Variants in SPAG16 observed in about 807,000 individuals in gnomAD.
The protein encoded by SPAG16 is sperm-associated antigen 16 protein.
Under a neutral mutation model 80.4 loss-of-function variants are expected in SPAG16, and 86 were observed. That is an observed-to-expected ratio of 1.07 (90% CI 0.90 to 1.28). SPAG16 has a LOEUF of 1.28. Ranked by LOEUF, SPAG16 falls within the 50% of genes most tolerant of loss-of-function variation. The pLI, the probability that SPAG16 is intolerant of heterozygous loss-of-function variation, is 0.00. For synonymous variants in SPAG16, 294 were observed against 265.9 expected, an observed-to-expected ratio of 1.11 and a Z score of -1.03; for missense variants, 870 against 765.3, an observed-to-expected ratio of 1.14 and a Z score of -1.61.
intron 10 of SPAG16, among the ~76,000 whole-genome samples, chr2:213,838,424 C>T (rs1212400327): frequency 2.0e-5 from 3 of 152,142 alleles, no homozygotes; most frequent in Non-Finnish European, 2.9e-5. Context: ...CCATCCGCCT[C>T]GGCCTTCCAA....
intron 10 of SPAG16, among the ~76,000 whole-genome samples, chr2:213,562,765 G>T (rs1288663086): frequency 1.3e-5 from 2 of 151,796 alleles, no homozygotes; most frequent in Non-Finnish European, 2.9e-5. Flanking sequence ...TTTATAGATG[G>T]TGCTATTTTC....
intron 10 of SPAG16, among the ~76,000 whole-genome samples, chr2:213,832,732 A>G (rs901552785): frequency 1.3e-5 from 2 of 152,080 alleles, no homozygotes; most frequent in African/African-American, 2.4e-5. Flanking sequence ...TTTTTACACA[A>G]CTGTCCATTC....
chr2:213,318,431 A>G (rs917671966), intron 5 of SPAG16, among the ~76,000 whole-genome samples: 3 of 152,000 alleles, frequency 2.0e-5, no homozygotes, highest in African/African-American at 2.4e-5. Flanking sequence ...ATTCTCACTT[A>G]TAAGTAGGAG....
chr2:214,028,638 A>C (rs2125039533), intron 13 of SPAG16, among the ~76,000 whole-genome samples: 1 of 152,202 alleles, frequency 6.6e-6, no homozygotes, highest in Admixed American at 6.6e-5. Flanking sequence ...GATATTTAAG[A>C]GTATTATTAA....
intron 9 of SPAG16, among the ~76,000 whole-genome samples, chr2:213,429,002 G>T (rs1370237941): frequency 6.6e-6 from 1 of 151,616 alleles, no homozygotes; most frequent in Non-Finnish European, 1.5e-5. Flanking sequence ...TAAGGCAGGA[G>T]AATTGCTTGA....
chr2:213,701,861 T>C (rs1384301750), intron 10 of SPAG16, among the ~76,000 whole-genome samples: 1 of 152,076 alleles, frequency 6.6e-6, no homozygotes, highest in African/African-American at 2.4e-5. Flanking sequence ...TCAGGGATTG[T>C]AAACACACCA....
chr2:214,148,692 A>G (rs1280187391), intron 14 of SPAG16, among the ~76,000 whole-genome samples: 1 of 151,782 alleles, frequency 6.6e-6, no homozygotes, highest in East Asian at 1.9e-4. Context: ...GTGAGCATAA[A>G]AGCTGAGATA....
chr2:214,222,202 C>T (rs560641259), intron 15 of SPAG16, among the ~76,000 whole-genome samples: 5 of 151,012 alleles, frequency 3.3e-5, no homozygotes, highest in Non-Finnish European at 5.9e-5. Flanking sequence ...CTGCAACCCC[C>T]GCCTCCTGGG....
intron 15 of SPAG16, among the ~76,000 whole-genome samples, chr2:214,275,827 A>T (rs1692421904): frequency 6.6e-6 from 1 of 152,156 alleles, no homozygotes; most frequent in Non-Finnish European, 1.5e-5. Flanking sequence ...TGCAAAGCTG[A>T]GTTCAAGTCC....
At chr2:213,552,800 G>A (rs1329593961) in intron 10 of SPAG16, among the ~76,000 whole-genome samples, 1 of 152,150 alleles carries the variant, frequency 6.6e-6, no homozygotes, top group African/African-American at 2.4e-5. Context: ...AGCGTGGCTA[G>A]GATGAAAGCA....
intron 15 of SPAG16, among the ~76,000 whole-genome samples, chr2:214,323,321 AAT>A (rs10564214): frequency 6.7e-6 from 1 of 149,828 alleles, no homozygotes; most frequent in Non-Finnish European, 1.5e-5. Flanking sequence ...TGTGAGATTA[AAT>A]ATATATATAT....
chr2:213,412,999 G>A (rs2069064364), intron 9 of SPAG16, among the ~76,000 whole-genome samples: 1 of 152,240 alleles, frequency 6.6e-6, no homozygotes, highest in East Asian at 1.9e-4. Flanking sequence ...TATGTATAAT[G>A]TGAGGATCTT....
At chr2:214,276,601 G>C (rs1385953349) in intron 15 of SPAG16, among the ~76,000 whole-genome samples, 1 of 151,996 alleles carries the variant, frequency 6.6e-6, no homozygotes, top group East Asian at 1.9e-4. Context: ...ATTCTTTTAA[G>C]AATGTTGAAT....
At chr2:213,334,026 G>C (rs909214892) in intron 5 of SPAG16, among the ~76,000 whole-genome samples, 1 of 152,060 alleles carries the variant, frequency 6.6e-6, no homozygotes, top group African/African-American at 2.4e-5. Flanking sequence ...ACAAAGTGAA[G>C]AGACAAACCC....
At chr2:214,361,877 G>A (rs1699207688) in intron 15 of SPAG16, among the ~76,000 whole-genome samples, 1 of 151,790 alleles carries the variant, frequency 6.6e-6, no homozygotes, top group Non-Finnish European at 1.5e-5. Context: ...AGAGATAATT[G>A]CGTTATGTTA....
chr2:213,837,938 G>A (rs1258559386), intron 10 of SPAG16, among the ~76,000 whole-genome samples: 1 of 152,110 alleles, frequency 6.6e-6, no homozygotes, highest in Non-Finnish European at 1.5e-5. Flanking sequence ...GCCAAGAAAT[G>A]TAGTTCAGAA....
intron 10 of SPAG16, among the ~76,000 whole-genome samples, chr2:213,696,141 C>A (rs1377309455): frequency 6.6e-6 from 1 of 152,070 alleles, no homozygotes; most frequent in South Asian, 2.1e-4. Context: ...AAGAAAGGAA[C>A]AAGAATAACT....
At chr2:213,522,310 CAT>C (rs1315310979) in intron 10 of SPAG16, among the ~76,000 whole-genome samples, 5 of 152,200 alleles carry the variant, frequency 3.3e-5, no homozygotes, top group Non-Finnish European at 5.9e-5. Flanking sequence ...AGGTATTTCA[CAT>C]GAGACAATAT....
chr2:213,475,264 G>A (rs2073311320), intron 9 of SPAG16, among the ~76,000 whole-genome samples: 1 of 152,190 alleles, frequency 6.6e-6, no homozygotes, highest in African/African-American at 2.4e-5. Flanking sequence ...GTCCTGTAGA[G>A]TTCAGGAGAC....
Sources: gnomAD v4.1 joint callset for allele counts (sites outside exome capture counted in the v4.1 genomes callset) on GRCh38, gnomAD v4.1.1 for gene constraint, MANE v1.5 for transcripts, NCBI Gene and HGNC (gene_info 2026-07-23, HGNC 2026-07-21) for gene names.